GFM1: variants seen among roughly 807,000 people sequenced by gnomAD.
GFM1 encodes G elongation factor mitochondrial 1.
Under a neutral mutation model 96.2 loss-of-function variants are expected in GFM1, and 62 were observed. That is an observed-to-expected ratio of 0.64 (90% CI 0.53 to 0.80). The LOEUF is 0.80. Ranked by LOEUF, GFM1 falls within the 30% of genes least tolerant of loss-of-function variation. GFM1 has a pLI of 0.00. For missense variants in GFM1, 852 were observed against 916.6 expected, an observed-to-expected ratio of 0.93 and a Z score of 0.91; for synonymous variants, 282 against 312.9, an observed-to-expected ratio of 0.90 and a Z score of 1.04.
chr3:158,654,639 G>C lies in GFM1; in HGVS notation c.1083+8G>C. 1.3e-6 allele frequency: 2 copies of C among 1,558,098 alleles called. No individual in the cohort carries two copies. Among genetic ancestry groups the C allele is most frequent in the Non-Finnish European group, 1.8e-6 (2 of 1,128,994 alleles). On this transcript the variant is annotated splice_region_variant and intron_variant, in intron 8 of 17. Coordinates refer to ENST00000486715, the MANE Select transcript of GFM1 (RefSeq NM_024996.7). Reference sequence around the variant, plus strand: ...CTGGCTTTTAAACTGGAGGTAAGTTGCTTTCTAATGTATTTAACTGCTATC... The same window carrying C: ...CTGGCTTTTAAACTGGAGGTAAGTTCCTTTCTAATGTATTTAACTGCTATC...
intron 10 of GFM1, 50 bp downstream of exon 10, chr3:158,661,025 G>A (rs778827041): frequency 4.8e-6 from 7 of 1,444,818 alleles, no homozygotes; most frequent in African/African-American, 1.4e-5. Context: ...TTAAAAGTCT[G>A]TGTTTTTATG....
chr3:158,666,463 T>G (rs372262936), intron 13 of GFM1, 77 bp downstream of exon 13: 2 of 1,276,860 alleles, frequency 1.6e-6, no homozygotes, highest in East Asian at 2.3e-5. Flanking sequence ...CCACTATTAC[T>G]GTTTTAAAGA....
chr3:158,676,105 T>G (rs902696107), intron 13 of GFM1, among the ~76,000 whole-genome samples: 1 of 152,174 alleles, frequency 6.6e-6, no homozygotes, highest in East Asian at 1.9e-4. Flanking sequence ...AAGCCCTGTC[T>G]GTAAACTACA....
Position 158,693,287 on chromosome 3 carries a change from A to G in GFM1, c.*1820A>G, listed in dbSNP as rs1576803349. Reference sequence around the variant, plus strand: ...TTTGAATATTGTTCCTAATGAGGAAATACATTCTGTGTACCTTCATGGAAT... The same window carrying G: ...TTTGAATATTGTTCCTAATGAGGAAGTACATTCTGTGTACCTTCATGGAAT... On this transcript the variant is annotated 3_prime_UTR_variant, in exon 18 of 18. Coordinates refer to ENST00000486715, the MANE Select transcript of GFM1 (RefSeq NM_024996.7). 6.6e-6 allele frequency: 1 copy of G among 152,218 alleles called. No individual in the cohort carries two copies. Among genetic ancestry groups the G allele is most frequent in the African/African-American group, 2.4e-5 (1 of 41,460 alleles). 9.4% of individuals were successfully genotyped at this position (152,218 alleles called of 1,614,324 possible). A position where few individuals can be genotyped will look rare whatever the true frequency, so the allele number is the denominator to read the frequency against.
At chr3:158,673,508 C>CTTTTCTT (rs1724569179) in intron 13 of GFM1, among the ~76,000 whole-genome samples, 1 of 114,264 alleles carries the variant, frequency 8.8e-6, no homozygotes, top group Admixed American at 8.9e-5. Flanking sequence ...CTTTTCTTTT[C>CTTTTCTT]TTTTTTTTTT....
intron 13 of GFM1, among the ~76,000 whole-genome samples, chr3:158,673,508 CTTTTTTTTTT>C (rs766011688): frequency 2.6e-5 from 3 of 114,264 alleles, no homozygotes; most frequent in African/African-American, 1.1e-4. Flanking sequence ...CTTTTCTTTT[CTTTTTTTTTT>C]TTTTTTTTTT....
chr3:158,689,815 C>G (rs1278640655), intron 15 of GFM1, among the ~76,000 whole-genome samples: 1 of 151,638 alleles, frequency 6.6e-6, no homozygotes, highest in Non-Finnish European at 1.5e-5. Context: ...ATCTTTAACC[C>G]TGACGATTTT....
chr3:158,649,640 G>A (rs1031835984), intron 5 of GFM1: 1 of 231,058 alleles, frequency 4.3e-6, no homozygotes, highest in African/African-American at 2.3e-5. Context: ...TTGTACAAAT[G>A]TGGTTTGGGA....
intron 1 of GFM1, chr3:158,644,946 C>T (rs1721633074): frequency 4.3e-6 from 2 of 465,476 alleles, no homozygotes; most frequent in Admixed American, 3.8e-5. Flanking sequence ...GTCTGTCACT[C>T]AGATACTTTG....
intron 5 of GFM1, 67 bp from the exon 6 acceptor site, chr3:158,652,029 A>G: frequency 7.3e-7 from 1 of 1,361,446 alleles, no homozygotes; most frequent in Non-Finnish European, 1.0e-6. Flanking sequence ...TTAATCATAT[A>G]TTTTTCATTA....
At chr3:158,686,721 G>GTTTTTTTTTT (rs67517331) in intron 15 of GFM1, among the ~76,000 whole-genome samples, 20 of 85,742 alleles carry the variant, frequency 2.3e-4, no homozygotes, top group East Asian at 3.4e-4. Flanking sequence ...TTGAATTGAG[G>GTTTTTTTTTT]TTTTTTTTTT....
intron 8 of GFM1, among the ~76,000 whole-genome samples, chr3:158,655,638 T>A (rs1176999367): frequency 6.6e-6 from 1 of 151,980 alleles, no homozygotes; most frequent in Non-Finnish European, 1.5e-5. Flanking sequence ...GAAACAAACT[T>A]ACTTATTTTA....
intron 11 of GFM1, among the ~76,000 whole-genome samples, chr3:158,663,087 C>T (rs1314071941): frequency 2.6e-5 from 4 of 152,194 alleles, no homozygotes; most frequent in Middle Eastern, 6.8e-3. Context: ...TAAAATAGCT[C>T]TAGGTTTTCT....
Position 158,662,588 on chromosome 3 carries a change from G to T in GFM1, c.1324-40G>T, listed in dbSNP as rs769666166. On this transcript the variant is annotated intron_variant, in intron 10 of 17. Transcript: ENST00000486715. The stretch of plus-strand genomic sequence containing the variant: ...ATCTATCCCTGACCCATATGGGTCT[G>T]TTTTTTAATTCTTCTGTTTTCTTTT... The T allele has an allele frequency of 3.8e-6, 5 of 1,299,940 alleles. 1 individual carries two copies. In the South Asian group the frequency reaches 4.7e-5, roughly 12 times the overall value. 80.5% of individuals were successfully genotyped at this position (1,299,940 alleles called of 1,614,324 possible).
chr3:158,665,130 T>G (rs1723535153), intron 11 of GFM1, among the ~76,000 whole-genome samples: 1 of 152,222 alleles, frequency 6.6e-6, no homozygotes, highest in Non-Finnish European at 1.5e-5. Context: ...AAGAAAATTC[T>G]GTTCAGTGAG....
chr3:158,646,177 G>T lies in GFM1; in HGVS notation c.247G>T (p.Asp83Tyr). 1 of 1,614,202 alleles carries T rather than the reference G, an allele frequency of 6.2e-7. No individual in the cohort carries two copies. The highest frequency in any genetic ancestry group is 8.5e-7 in the Non-Finnish European group (1 of 1,180,010). ...TGCTTGTGTTTAGGTGAAAGGTAAAGATGGAGTTGGTGCTGTCATGGATTC... is the reference window on the plus strand; with the variant it reads ...TGCTTGTGTTTAGGTGAAAGGTAAATATGGAGTTGGTGCTGTCATGGATTC... Reference protein sequence around the residue: ...IAKMHEVKGKDGVGAVMDSME... With the variant: ...IAKMHEVKGKYGVGAVMDSME... The change falls in exon 3 of 18, where the codon GAT (aspartate) becomes TAT (tyrosine). Residue 83 changes from aspartate to tyrosine, a missense_variant. Coordinates refer to ENST00000486715, the MANE Select transcript of GFM1 (RefSeq NM_024996.7).
At chr3:158,686,650 TATA>T (rs1003082277) in intron 15 of GFM1, among the ~76,000 whole-genome samples, 40 of 117,752 alleles carry the variant, frequency 3.4e-4, no homozygotes, top group African/African-American at 1.6e-3. Context: ...GTATAGTATA[TATA>T]TTATTAAGTA....
intron 16 of GFM1, 114 bp downstream of exon 16, chr3:158,690,437 C>CAGAAA: frequency 1.0e-6 from 1 of 989,470 alleles, no homozygotes; most frequent in African/African-American, 1.6e-5. Flanking sequence ...TGGCTTTATA[C>CAGAAA]ATGTGGCATT....
At chr3:158,658,836 TGGAG>T (rs1052266446) in intron 8 of GFM1, 82 bp from the exon 9 acceptor site, 3 of 1,418,298 alleles carry the variant, frequency 2.1e-6, no homozygotes, top group African/African-American at 1.4e-5. Context: ...AGAGAATACT[TGGAG>T]GGAGTTATGA....
Sources: allele counts gnomAD v4.1 joint callset (sites outside exome capture counted in the v4.1 genomes callset), GRCh38; gene constraint gnomAD v4.1.1; transcripts MANE v1.5; gene names NCBI Gene and HGNC (gene_info 2026-07-23, HGNC 2026-07-21).